Variants in RAD51B observed in about 807,000 individuals in gnomAD.
RAD51B encodes RAD51 paralog B.
A neutral mutation model predicts 42.2 loss-of-function variants in RAD51B; 38 were observed. That is an observed-to-expected ratio of 0.90 (90% confidence interval 0.70 to 1.18). The LOEUF is 1.18. Among genes scored for constraint, RAD51B ranks in the 50% most tolerant of loss-of-function variants. RAD51B has a pLI of 0.00. For missense variants in RAD51B, 373 were observed against 400.7 expected, an observed-to-expected ratio of 0.93 and a Z score of 0.59; for synonymous variants, 154 against 145.2, an observed-to-expected ratio of 1.06 and a Z score of -0.43.
chr14:68,048,003 G>T (rs1272275276), intron 7 of RAD51B, among the ~76,000 whole-genome samples: 1 of 152,122 alleles, frequency 6.6e-6, no homozygotes, highest in African/African-American at 2.4e-5. Context: ...AAGAAAGGCT[G>T]CTTTGAAAAC....
intron 7 of RAD51B, among the ~76,000 whole-genome samples, chr14:67,995,431 C>G (rs1473419395): frequency 6.6e-6 from 1 of 150,952 alleles, no homozygotes; most frequent in Non-Finnish European, 1.5e-5. Context: ...AGAACACACT[C>G]ACAATAGGAT....
intron 9 of RAD51B, among the ~76,000 whole-genome samples, chr14:68,454,321 C>T (rs1472829267): frequency 6.6e-6 from 1 of 152,060 alleles, no homozygotes; most frequent in Non-Finnish European, 1.5e-5. Context: ...AAACTCTACA[C>T]CTCCATAAAA....
rs1889358720 is a variant in RAD51B, at chr14:68,565,098, T to C, written c.1037-29387T>C. 2.0e-5 allele frequency among the ~76,000 whole-genome samples: 3 copies of C among 151,692 alleles called. No individual in the cohort carries two copies. Among genetic ancestry groups the C allele is most frequent in the Non-Finnish European group, 4.4e-5 (3 of 67,844 alleles). ...GACAGGAAAAATACACACACACACA[T>C]ACACACACACACACCCCACATGCAC... On this transcript the variant is annotated intron_variant, in intron 10 of 10. Transcript: ENST00000487270. The surrounding 1 kb of genome is among the most constrained non-coding windows in gnomAD (Gnocchi z 4.1).
At chr14:68,242,802 C>G (rs914962991) in intron 7 of RAD51B, among the ~76,000 whole-genome samples, 4 of 152,128 alleles carry the variant, frequency 2.6e-5, no homozygotes, top group Admixed American at 1.3e-4. Flanking sequence ...TATGTAAGCT[C>G]TAGGTCAGAG....
intron 7 of RAD51B, among the ~76,000 whole-genome samples, chr14:68,225,885 A>G (rs2080027215): frequency 6.6e-6 from 1 of 152,206 alleles, no homozygotes; most frequent in Non-Finnish European, 1.5e-5. Context: ...AACAAGCAAA[A>G]TTGGAGTAGA....
chr14:68,093,689 T>C (rs1237557352), intron 7 of RAD51B, among the ~76,000 whole-genome samples: 4 of 152,174 alleles, frequency 2.6e-5, no homozygotes, highest in African/African-American at 9.7e-5. Context: ...GTGTTTTGTG[T>C]CTCTATTTCC....
intron 7 of RAD51B, among the ~76,000 whole-genome samples, chr14:68,238,074 C>G (rs1369598239): frequency 6.6e-6 from 1 of 152,076 alleles, no homozygotes; most frequent in Admixed American, 6.6e-5. Flanking sequence ...ACTCTGTTTT[C>G]TTTTAACATT....
At chr14:68,585,319 C>T (rs1183893574) in intron 10 of RAD51B, among the ~76,000 whole-genome samples, 1 of 152,222 alleles carries the variant, frequency 6.6e-6, no homozygotes, top group African/African-American at 2.4e-5. Context: ...TCCTGCTTCA[C>T]CATGGCAGGG....
intron 10 of RAD51B, among the ~76,000 whole-genome samples, chr14:68,603,270 C>T (rs111468595): frequency 2.6e-5 from 4 of 152,262 alleles, no homozygotes; most frequent in Non-Finnish European, 5.9e-5. Flanking sequence ...GTTTTTAGGG[C>T]GTCACTTATG....
intron 7 of RAD51B, among the ~76,000 whole-genome samples, chr14:68,082,935 A>G (rs1319158202): frequency 6.6e-6 from 1 of 152,158 alleles, no homozygotes; most frequent in African/African-American, 2.4e-5. Flanking sequence ...ACTGTCTAAT[A>G]ATAGTCTCTT....
intron 7 of RAD51B, among the ~76,000 whole-genome samples, chr14:67,907,959 G>A (rs2043832886): frequency 6.6e-6 from 1 of 152,110 alleles, no homozygotes; most frequent in Admixed American, 6.5e-5. Flanking sequence ...GTGCCCATAA[G>A]GTGATAAATC....
At chr14:68,539,716 G>A (rs1887850560) in intron 10 of RAD51B, among the ~76,000 whole-genome samples, 1 of 152,252 alleles carries the variant, frequency 6.6e-6, no homozygotes, top group South Asian at 2.1e-4. Flanking sequence ...ATGGAGGGCA[G>A]CCACACAGTG....
chr14:68,141,272 TAAATA>T (rs1218050567), intron 7 of RAD51B, among the ~76,000 whole-genome samples: 2 of 152,230 alleles, frequency 1.3e-5, no homozygotes, highest in Non-Finnish European at 2.9e-5. Flanking sequence ...TTAAATGAAT[TAAATA>T]AATGCTTTAA....
intron 7 of RAD51B, among the ~76,000 whole-genome samples, chr14:68,229,465 T>C (rs546816175): frequency 6.6e-6 from 1 of 152,358 alleles, no homozygotes; most frequent in South Asian, 2.1e-4. Context: ...TGTGACATTA[T>C]AGAAGATGCC....
intron 7 of RAD51B, among the ~76,000 whole-genome samples, chr14:68,200,872 G>A (rs763217908): frequency 2.4e-4 from 37 of 151,794 alleles, no homozygotes; most frequent in Admixed American, 3.9e-4. Context: ...TGCCCAGGCC[G>A]GTCTCAAACT....
At chr14:68,062,319 C>T (rs1171035111) in intron 7 of RAD51B, among the ~76,000 whole-genome samples, 2 of 152,140 alleles carry the variant, frequency 1.3e-5, no homozygotes, top group Non-Finnish European at 2.9e-5. Context: ...AGGATTTTTA[C>T]ATCTGTGTTT....
intron 10 of RAD51B, among the ~76,000 whole-genome samples, chr14:68,518,554 G>GCCC (rs11341781): frequency 1.6e-3 from 214 of 137,444 alleles, no homozygotes; most frequent in Middle Eastern, 3.5e-3. Context: ...GGTCATATGA[G>GCCC]CCCCCCCCCC....
At chr14:68,322,356 C>T (rs2082171928) in intron 8 of RAD51B, among the ~76,000 whole-genome samples, 1 of 152,316 alleles carries the variant, frequency 6.6e-6, no homozygotes, top group South Asian at 2.1e-4. Flanking sequence ...TTTGGCCAAA[C>T]TGACCAATTA....
At chr14:68,283,839 A>T (rs1479892731) in intron 7 of RAD51B, among the ~76,000 whole-genome samples, 4 of 152,252 alleles carry the variant, frequency 2.6e-5, no homozygotes, top group African/African-American at 4.8e-5. Flanking sequence ...CAAGAGAAGT[A>T]GGCCAAAGAG....
Sources: gnomAD v4.1 joint callset for allele counts (sites outside exome capture counted in the v4.1 genomes callset) on GRCh38, gnomAD v4.1.1 for gene constraint, Gnocchi (gnomAD v3.1) non-coding constraint, MANE v1.5 for transcripts, NCBI Gene and HGNC (gene_info 2026-07-23, HGNC 2026-07-21) for gene names.